Variants in SRRM4 observed in about 807,000 individuals in gnomAD.
SRRM4 encodes the protein serine/arginine repetitive matrix protein 4.
SRRM4 carries 33 observed loss-of-function variants against 68.9 expected under a neutral mutation model. The observed-to-expected ratio is 0.48, with a 90% CI of 0.36 to 0.64. The LOEUF (loss-of-function observed/expected upper bound fraction) is 0.64, where lower values mean the gene tolerates loss of function less well. Ranked by LOEUF, SRRM4 falls within the 30% of genes least tolerant of loss-of-function variation. The probability of loss-of-function intolerance (pLI) is 0.00; values close to 1 mark genes in which losing one functional copy is unlikely to be tolerated. For synonymous variants in SRRM4, 318 were observed against 318.8 expected (o/e 1.00, Z 0.03); for missense variants, 817 against 827.1 (o/e 0.99, Z 0.15).
chr12:119,016,903 A>G (rs1436068111), intron 1 of SRRM4, among the ~76,000 whole-genome samples: 1 of 152,168 alleles, frequency 6.6e-6, no homozygotes, highest in African/African-American at 2.4e-5. Flanking sequence ...CAGTCACTTC[A>G]TGTTTCTGCA....
intron 8 of SRRM4, among the ~76,000 whole-genome samples, chr12:119,134,890 G>T (rs1029353631): frequency 1.3e-5 from 2 of 152,204 alleles, no homozygotes; most frequent in African/African-American, 2.4e-5. Flanking sequence ...TTTGAAGGAT[G>T]CATAGGAGTT....
At chr12:119,121,698 A>T (rs1055258764) in intron 5 of SRRM4, among the ~76,000 whole-genome samples, 1 of 152,186 alleles carries the variant, frequency 6.6e-6, no homozygotes, top group African/African-American at 2.4e-5. Context: ...TTGTGCCTCC[A>T]CCCATAGGTT....
At chr12:119,134,676 CACTT>C (rs1276886544) in intron 8 of SRRM4, among the ~76,000 whole-genome samples, 1 of 152,216 alleles carries the variant, frequency 6.6e-6, no homozygotes, top group African/African-American at 2.4e-5. Context: ...AGAAAAGTGA[CACTT>C]ACTTCCCTTC....
intron 8 of SRRM4, among the ~76,000 whole-genome samples, chr12:119,141,114 G>A (rs1954362474): frequency 6.6e-6 from 1 of 152,128 alleles, no homozygotes; most frequent in Non-Finnish European, 1.5e-5. Flanking sequence ...GCTAATTTTT[G>A]TAGTTTTTGG....
Position 119,156,487 on chromosome 12 carries a change from C to A in SRRM4, c.1533-8C>A. 6.3e-7 allele frequency: 1 copy of A among 1,591,684 alleles called. No individual in the cohort carries two copies. Among genetic ancestry groups the A allele is most frequent in the Non-Finnish European group, 8.6e-7 (1 of 1,168,504 alleles). On this transcript the variant is annotated splice_region_variant and splice_polypyrimidine_tract_variant and intron_variant, in intron 12 of 12. Coordinates refer to ENST00000267260, the MANE Select transcript of SRRM4 (RefSeq NM_194286.4). The stretch of plus-strand genomic sequence containing the variant: ...GGCCCTCATCCCTCCTCTCTCTGGT[C>A]TCTGCAGTGCCCGGAAACGCCCCAT...
rs1233615313 is a variant in SRRM4 at position 118,981,996 on chromosome 12, C to T, written c.114C>T (p.Ala38=). Residue 38 remains alanine, a synonymous_variant, in exon 1 of 13, where the codon GCC becomes GCT. Coordinates refer to ENST00000267260, the MANE Select transcript of SRRM4 (RefSeq NM_194286.4). ...GCATCATTGTCGCCAGTATCACGGC[C>T]CGCAAGCCGCTGCCAAGGTAATGAT... ...PESIIVASIT[A]RKPLPRTEPQ... is the part of the protein sequence containing the mutation. The T allele has an allele frequency of 1.2e-6, 2 of 1,609,780 alleles. No homozygotes were observed. Among genetic ancestry groups the T allele is most frequent in the Non-Finnish European group, 1.7e-6 (2 of 1,178,466 alleles).
intron 1 of SRRM4, among the ~76,000 whole-genome samples, chr12:119,046,746 T>C (rs2136014771): frequency 6.6e-6 from 1 of 152,316 alleles, no homozygotes; most frequent in South Asian, 2.1e-4. Flanking sequence ...ACACTGATGA[T>C]ATGGCCCTTA....
chr12:119,123,618 G>C (rs6490236), intron 6 of SRRM4, among the ~76,000 whole-genome samples: 83,438 of 151,918 alleles, frequency 0.55, 23,160 homozygotes, highest in South Asian at 0.63. Context: ...AAAGCTTGTG[G>C]AAGCCAAAAG....
At chr12:119,067,841 TATCTGTAA>T (rs1203079792) in intron 1 of SRRM4, among the ~76,000 whole-genome samples, 2 of 152,252 alleles carry the variant, frequency 1.3e-5, no homozygotes, top group African/African-American at 4.8e-5. Context: ...TCAGTTTCCT[TATCTGTAA>T]AATGGAGGTA....
chr12:119,039,322 C>T (rs973866969), intron 1 of SRRM4, among the ~76,000 whole-genome samples: 7 of 152,218 alleles, frequency 4.6e-5, no homozygotes, highest in Admixed American at 2.6e-4. Flanking sequence ...TGAGTACACA[C>T]AAGGGTGTCT....
chr12:119,152,327 C>G (rs983846247), intron 10 of SRRM4, among the ~76,000 whole-genome samples: 17 of 152,060 alleles, frequency 1.1e-4, no homozygotes, highest in South Asian at 6.2e-4. Flanking sequence ...AATAGAAGAG[C>G]AAATCAGGCT....
chr12:119,094,066 C>T (rs1260518688), intron 1 of SRRM4, among the ~76,000 whole-genome samples: 1 of 152,142 alleles, frequency 6.6e-6, no homozygotes, highest in Non-Finnish European at 1.5e-5. Context: ...GTCCTTTGAC[C>T]TGAACTTGAG....
intron 1 of SRRM4, among the ~76,000 whole-genome samples, chr12:118,982,672 T>TTG (rs1555212601): frequency 6.4e-5 from 5 of 78,084 alleles, no homozygotes; most frequent in Non-Finnish European, 1.4e-4. Context: ...TTATTTTGTT[T>TTG]TTTTTTGTTT....
At chr12:119,083,443 G>T (rs1953961532) in intron 1 of SRRM4, among the ~76,000 whole-genome samples, 1 of 152,018 alleles carries the variant, frequency 6.6e-6, no homozygotes, top group Non-Finnish European at 1.5e-5. Flanking sequence ...GATGGGAGCT[G>T]GTGGATAAAT....
intron 6 of SRRM4, among the ~76,000 whole-genome samples, chr12:119,122,714 C>CTG (rs200406316): frequency 0.017 from 2,554 of 152,098 alleles, 34 homozygotes; most frequent in Non-Finnish European, 0.027. Context: ...ATTCTATGCA[C>CTG]TGTGTGTGTG....
rs893670066 is a variant in SRRM4 at position 118,984,019 on chromosome 12, G to A, written c.131+2006G>A. The stretch of plus-strand genomic sequence containing the variant: ...ACCATAAGCCCTGGATTTATGTCAC[G>A]CTAGGAGAATCCTGTGTAATACTTC... On this transcript the variant is annotated intron_variant, in intron 1 of 12. Coordinates refer to ENST00000267260, the MANE Select transcript of SRRM4 (RefSeq NM_194286.4). 7.9e-5 allele frequency among the ~76,000 whole-genome samples: 12 copies of A among 151,622 alleles called. No individual in the cohort carries two copies. The South Asian group carries it at 1.1e-3, about 13-fold the overall frequency.
intron 8 of SRRM4, among the ~76,000 whole-genome samples, chr12:119,131,389 G>T (rs1267098815): frequency 1.3e-5 from 2 of 152,200 alleles, no homozygotes; most frequent in Non-Finnish European, 2.9e-5. Context: ...GGTCTTGGGA[G>T]TTGAGGGCAC....
At chr12:118,983,747 T>C (rs945895880) in intron 1 of SRRM4, among the ~76,000 whole-genome samples, 2 of 152,242 alleles carry the variant, frequency 1.3e-5, no homozygotes, top group Admixed American at 6.5e-5. Context: ...TGCTTGGTAC[T>C]TTCCACTTTT....
At chr12:118,992,569 C>T (rs1043114696) in intron 1 of SRRM4, among the ~76,000 whole-genome samples, 4 of 152,190 alleles carry the variant, frequency 2.6e-5, no homozygotes, top group Admixed American at 2.0e-4. Flanking sequence ...AACCCACATC[C>T]GGAAGGGGCA....
Sources: allele counts gnomAD v4.1 joint callset (sites outside exome capture counted in the v4.1 genomes callset), GRCh38; gene constraint gnomAD v4.1.1; transcripts MANE v1.5; gene names NCBI Gene and HGNC (gene_info 2026-07-23, HGNC 2026-07-21).